Variants in SLC16A10 observed in about 807,000 individuals in gnomAD.
SLC16A10 encodes solute carrier family 16 member 10.
SLC16A10 carries 27 observed loss-of-function variants against 40.0 expected under a neutral mutation model. The ratio of observed to expected loss-of-function variants is 0.67; its 90% CI spans 0.50 to 0.93. SLC16A10 has a LOEUF of 0.93. Ranked by LOEUF, SLC16A10 falls within the 40% of genes least tolerant of loss-of-function variation. The pLI is 0.00. For synonymous variants in SLC16A10, 213 were observed against 249.8 expected (o/e 0.85, Z 1.39); for missense variants, 529 against 658.2 (o/e 0.80, Z 2.15).
At chr6:111,167,576 C>A (rs1432527933) in intron 1 of SLC16A10, among the ~76,000 whole-genome samples, 1 of 151,908 alleles carries the variant, frequency 6.6e-6, no homozygotes, top group Non-Finnish European at 1.5e-5. Flanking sequence ...AGGAAGTCCT[C>A]TGTGGGTGTT....
chr6:111,181,444 T>C (rs758874508), intron 3 of SLC16A10, among the ~76,000 whole-genome samples: 2 of 152,204 alleles, frequency 1.3e-5, no homozygotes, highest in Non-Finnish European at 2.9e-5. Flanking sequence ...GGCAATGTGA[T>C]TGCCAACTTG....
chr6:111,097,087 G>A (rs925945195), intron 1 of SLC16A10, among the ~76,000 whole-genome samples: 1 of 152,132 alleles, frequency 6.6e-6, no homozygotes, highest in African/African-American at 2.4e-5. Flanking sequence ...CTCCCAGAGT[G>A]TTGGGATTAC....
In SLC16A10 at chr6:111,099,901, T is replaced by G. The variant is rs572649085; in HGVS notation, c.343+11806T>G. 2.0e-5 allele frequency among the ~76,000 whole-genome samples: 3 copies of G among 151,404 alleles called. No individual in the cohort carries two copies. In the East Asian group the frequency reaches 5.9e-4, roughly 30 times the overall value. On this transcript the variant is annotated intron_variant, in intron 1 of 5. Transcript: ENST00000368851. ...AGCTGGACGTGGTGGCAGGCACCTG[T>G]AGTCCCAGCTACTCAAAAGGCTGAG... is the stretch of plus-strand genomic sequence containing the variant.
At chr6:111,160,888 T>G (rs1772358712) in intron 1 of SLC16A10, among the ~76,000 whole-genome samples, 1 of 151,964 alleles carries the variant, frequency 6.6e-6, no homozygotes, top group African/African-American at 2.4e-5. Context: ...GAAGACAATA[T>G]TCAAAGGTGG....
At chr6:111,105,742 C>T (rs185534717) in intron 1 of SLC16A10, among the ~76,000 whole-genome samples, 10 of 152,274 alleles carry the variant, frequency 6.6e-5, no homozygotes, top group Non-Finnish European at 7.3e-5. Flanking sequence ...TGCCTGTGTG[C>T]GGGCGTGTGT....
chr6:111,123,145 C>T (rs1771614639), intron 1 of SLC16A10, among the ~76,000 whole-genome samples: 1 of 152,168 alleles, frequency 6.6e-6, no homozygotes, highest in South Asian at 2.1e-4. Flanking sequence ...CCCATTCCTC[C>T]CACCTGTCTT....
intron 1 of SLC16A10, among the ~76,000 whole-genome samples, chr6:111,137,392 A>G (rs746100273): frequency 6.6e-6 from 1 of 152,264 alleles, no homozygotes; most frequent in Non-Finnish European, 1.5e-5. Flanking sequence ...TATGAAGCAG[A>G]TAGTCAGAGC....
chr6:111,155,221 G>C (rs929398540), intron 1 of SLC16A10, among the ~76,000 whole-genome samples: 11 of 146,624 alleles, frequency 7.5e-5, no homozygotes, highest in Non-Finnish European at 1.6e-4. Flanking sequence ...TTTTGAAACA[G>C]GATCTTGCCC....
Position 111,226,407 on chromosome 6 carries a change from G to C in SLC16A10, c.*4172G>C, listed in dbSNP as rs1223652122. ...TGAATGGTGTTAGAGTAAATTCCCA[G>C]AGTTTAGAGATACAAGTAGAAATGC... On this transcript the variant is annotated 3_prime_UTR_variant, in exon 6 of 6. Transcript: ENST00000368851. 6.6e-6 allele frequency: 1 copy of C among 152,150 alleles called. No individual in the cohort carries two copies. The highest frequency in any genetic ancestry group is 1.5e-5 in the Non-Finnish European group (1 of 68,030). 9.4% of individuals were successfully genotyped at this position (152,150 alleles called of 1,614,324 possible). A position where few individuals can be genotyped will look rare whatever the true frequency, so the allele number is the denominator to read the frequency against.
chr6:111,171,979 A>G (rs1221627692), intron 1 of SLC16A10, among the ~76,000 whole-genome samples: 3 of 152,198 alleles, frequency 2.0e-5, no homozygotes, highest in African/African-American at 7.2e-5. Flanking sequence ...CCAGAGCTGC[A>G]TAGAGCTTCA....
In SLC16A10 at chr6:111,226,137, T is replaced by C. The variant is rs1206670218; in HGVS notation, c.*3902T>C. ...CAAATTAGTATCTTTTATGCTAACA[T>C]TTAAAACTGTATTTAAATTTTTAAG... On this transcript the variant is annotated 3_prime_UTR_variant, in exon 6 of 6. Coordinates refer to ENST00000368851, the MANE Select transcript of SLC16A10 (RefSeq NM_018593.5). 6.6e-6 allele frequency: 1 copy of C among 152,210 alleles called. No homozygotes were observed. Among genetic ancestry groups the C allele is most frequent in the Non-Finnish European group, 1.5e-5 (1 of 68,038 alleles). The allele number at this position is 152,210 out of a possible 1,614,324, so 9.4% of individuals were successfully genotyped here.
At chr6:111,203,678 C>T (rs1773207981) in intron 3 of SLC16A10, among the ~76,000 whole-genome samples, 1 of 151,312 alleles carries the variant, frequency 6.6e-6, no homozygotes, top group Non-Finnish European at 1.5e-5. Flanking sequence ...GCTGAGATCA[C>T]ACCACTGCAC....
At chr6:111,093,670 C>G (rs1255284920) in intron 1 of SLC16A10, among the ~76,000 whole-genome samples, 1 of 152,124 alleles carries the variant, frequency 6.6e-6, no homozygotes, top group South Asian at 2.1e-4. Flanking sequence ...ATTTCTGTAT[C>G]TTAGAAAAAT....
intron 3 of SLC16A10, among the ~76,000 whole-genome samples, chr6:111,187,353 G>T (rs1772916417): frequency 6.6e-6 from 1 of 152,098 alleles, no homozygotes; most frequent in South Asian, 2.1e-4. Flanking sequence ...GTGCAGCCAG[G>T]GCTTGAGCTT....
chr6:111,111,799 A>C (rs1370403890), intron 1 of SLC16A10, among the ~76,000 whole-genome samples: 1 of 152,108 alleles, frequency 6.6e-6, no homozygotes, highest in Non-Finnish European at 1.5e-5. Context: ...CATTGTCACC[A>C]TTTATAAAGT....
intron 1 of SLC16A10, among the ~76,000 whole-genome samples, chr6:111,096,281 G>A (rs539145455): frequency 1.1e-4 from 17 of 152,278 alleles, no homozygotes; most frequent in African/African-American, 2.6e-4. Context: ...AGTTATCACC[G>A]CCTAGCTAGA....
At chr6:111,148,604 A>G (rs576709618) in intron 1 of SLC16A10, among the ~76,000 whole-genome samples, 9 of 152,298 alleles carry the variant, frequency 5.9e-5, no homozygotes, top group Admixed American at 4.6e-4. Context: ...GTGCATGACA[A>G]CTTTAGGAAG....
chr6:111,204,576 T>C (rs1450077686), intron 3 of SLC16A10, among the ~76,000 whole-genome samples: 1 of 152,156 alleles, frequency 6.6e-6, no homozygotes, highest in Non-Finnish European at 1.5e-5. Flanking sequence ...GAAATGTAGA[T>C]GGATAAGAAC....
intron 1 of SLC16A10, among the ~76,000 whole-genome samples, chr6:111,091,880 GGACTGGA>G (rs1770981583): frequency 6.6e-6 from 1 of 152,120 alleles, no homozygotes; most frequent in African/African-American, 2.4e-5. Flanking sequence ...TCTGTCCTGG[GGACTGGA>G]GATAATGACT....
Sources: allele counts gnomAD v4.1 joint callset (sites outside exome capture counted in the v4.1 genomes callset), GRCh38; gene constraint gnomAD v4.1.1; transcripts MANE v1.5; gene names NCBI Gene and HGNC (gene_info 2026-07-23, HGNC 2026-07-21).